Variants in PRR5L observed in about 807,000 individuals in gnomAD.
PRR5L encodes the protein proline-rich protein 5-like.
Under a neutral mutation model 36.4 loss-of-function variants are expected in PRR5L, and 21 were observed. That is an observed-to-expected ratio of 0.58 (90% confidence interval 0.41 to 0.83). The LOEUF is 0.83. PRR5L is among the 40% of genes least tolerant of loss of function. The probability of loss-of-function intolerance (pLI) is 0.00; values close to 1 mark genes in which losing one functional copy is unlikely to be tolerated. For synonymous variants in PRR5L, 188 were observed against 197.0 expected, an observed-to-expected ratio of 0.95 and a Z score of 0.38; for missense variants, 381 against 473.3, an observed-to-expected ratio of 0.80 and a Z score of 1.81.
chr11:36,403,530 G>A (rs1446782527), intron 3 of PRR5L, 152 bp downstream of exon 3: 3 of 607,528 alleles, frequency 4.9e-6, no homozygotes, highest in East Asian at 2.8e-5. Flanking sequence ...TTTCATGGCT[G>A]TTGCGTTCTG....
chr11:36,436,513 A>G (rs1858608705), intron 5 of PRR5L, among the ~76,000 whole-genome samples: 1 of 152,196 alleles, frequency 6.6e-6, no homozygotes, highest in Admixed American at 6.5e-5. Context: ...GGACAGCATC[A>G]GGAGGCAGGT....
In PRR5L at chr11:36,463,444, C is replaced by T. The variant is rs1859233790; in HGVS notation, c.*708C>T. The T allele has an allele frequency of 6.6e-6, 1 of 152,214 alleles. No homozygotes were observed. The highest frequency in any genetic ancestry group is 1.5e-5 in the Non-Finnish European group (1 of 68,030). 9.4% of individuals were successfully genotyped at this position (152,214 alleles called of 1,614,324 possible). A position where few individuals can be genotyped will look rare whatever the true frequency, so the allele number is the denominator to read the frequency against. On this transcript the variant is annotated 3_prime_UTR_variant, in exon 9 of 9. Coordinates refer to ENST00000530639, the MANE Select transcript of PRR5L (RefSeq NM_001160167.2). Reference sequence around the variant, plus strand: ...TGCCCTGTCTTTCATTGAGCCTTAGCATTTCCCTCTCAGGCTTCCTCTCAA... The same window carrying T: ...TGCCCTGTCTTTCATTGAGCCTTAGTATTTCCCTCTCAGGCTTCCTCTCAA...
At chr11:36,388,126 C>T (rs557912992) in intron 1 of PRR5L, 10 of 152,286 alleles carry the variant, frequency 6.6e-5, no homozygotes, top group African/African-American at 1.9e-4. Context: ...TGATGCATAG[C>T]GCAGAAAAAA....
At chr11:36,320,445 T>C (rs1243834895) in intron 1 of PRR5L, among the ~76,000 whole-genome samples, 1 of 152,122 alleles carries the variant, frequency 6.6e-6, no homozygotes, top group Non-Finnish European at 1.5e-5. Flanking sequence ...TTAAGGGCTC[T>C]TTGAGTGCCA....
At chr11:36,402,949 A>G (rs1857829184) in intron 2 of PRR5L, among the ~76,000 whole-genome samples, 1 of 152,232 alleles carries the variant, frequency 6.6e-6, no homozygotes, top group Non-Finnish European at 1.5e-5. Context: ...GGCATGGGTC[A>G]GCTTCTGCTT....
At chr11:36,430,753 C>T (rs1278989079) in intron 4 of PRR5L, among the ~76,000 whole-genome samples, 1 of 152,114 alleles carries the variant, frequency 6.6e-6, no homozygotes, top group African/African-American at 2.4e-5. Flanking sequence ...AGTATTATGC[C>T]ATTTTACATA....
At chr11:36,441,095 T>C (rs1858712780) in intron 6 of PRR5L, among the ~76,000 whole-genome samples, 1 of 152,196 alleles carries the variant, frequency 6.6e-6, no homozygotes, top group Non-Finnish European at 1.5e-5. Context: ...AGCCATATTT[T>C]CTGCCCCTGG....
At chr11:36,318,158 C>T (rs1856576836) in intron 1 of PRR5L, among the ~76,000 whole-genome samples, 1 of 152,138 alleles carries the variant, frequency 6.6e-6, no homozygotes, top group African/African-American at 2.4e-5. Context: ...GCAATATATA[C>T]CATATAGCCC....
At chr11:36,404,268 C>CTG (rs1564938188) in intron 3 of PRR5L, among the ~76,000 whole-genome samples, 2 of 98,008 alleles carry the variant, frequency 2.0e-5, no homozygotes. Context: ...TCCATCAGGT[C>CTG]TTTTTTTTTT....
chr11:36,426,481 T>C (rs761220094), intron 4 of PRR5L, among the ~76,000 whole-genome samples: 1 of 152,242 alleles, frequency 6.6e-6, no homozygotes, highest in Non-Finnish European at 1.5e-5. Context: ...ACAAAGTGCC[T>C]GATTACATAG....
intron 1 of PRR5L, chr11:36,376,805 C>A: frequency 3.5e-6 from 3 of 859,016 alleles, no homozygotes; most frequent in Non-Finnish European, 4.2e-6. Context: ...TCTGACGGGG[C>A]GCGGCGTGGC....
At chr11:36,351,342 A>ATATATAATAAATATATATATATTTAT (rs1321163181) in intron 1 of PRR5L, among the ~76,000 whole-genome samples, 2 of 42,704 alleles carry the variant, frequency 4.7e-5, no homozygotes, top group Non-Finnish European at 8.3e-5. Context: ...ATATATTTAT[A>ATATATAATAAATATATATATATTTAT]ATATATAATA....
At chr11:36,350,994 A>ATTTATTT in intron 1 of PRR5L, among the ~76,000 whole-genome samples, 1 of 84,734 alleles carries the variant, frequency 1.2e-5, no homozygotes, top group African/African-American at 6.1e-5. Context: ...ATATTTATAT[A>ATTTATTT]TTTATATATA....
At chr11:36,351,211 T>C (rs1194678373) in intron 1 of PRR5L, among the ~76,000 whole-genome samples, 1 of 86,632 alleles carries the variant, frequency 1.2e-5, no homozygotes, top group Non-Finnish European at 1.9e-5. Context: ...ATAATATAAA[T>C]ATATAAATAT....
intron 1 of PRR5L, among the ~76,000 whole-genome samples, chr11:36,315,339 G>A (rs989006964): frequency 1.4e-4 from 22 of 152,208 alleles, no homozygotes; most frequent in Non-Finnish European, 3.1e-4. Flanking sequence ...GGATAAGAAA[G>A]CATATTTGCC....
chr11:36,397,387 A>C (rs1857684924), intron 1 of PRR5L, among the ~76,000 whole-genome samples: 1 of 137,798 alleles, frequency 7.3e-6, no homozygotes. Flanking sequence ...GTGAGGGTTG[A>C]GTAAGTTTAT....
chr11:36,444,481 GT>G (rs1858786951), intron 6 of PRR5L, among the ~76,000 whole-genome samples: 1 of 152,142 alleles, frequency 6.6e-6, no homozygotes, highest in African/African-American at 2.4e-5. Context: ...GCCTTTAAAT[GT>G]TTTATAATAT....
intron 1 of PRR5L, among the ~76,000 whole-genome samples, chr11:36,358,058 A>G (rs955044194): frequency 1.2e-4 from 19 of 152,218 alleles, no homozygotes; most frequent in African/African-American, 4.6e-4. Flanking sequence ...GAAGAAGTTG[A>G]TTTCAACCCT....
chr11:36,298,227 A>G (rs1011461156), intron 1 of PRR5L, among the ~76,000 whole-genome samples: 1 of 152,196 alleles, frequency 6.6e-6, no homozygotes, highest in Admixed American at 6.5e-5. Flanking sequence ...TTTTGGTACC[A>G]GAGACCAGTT....
Sources: gnomAD v4.1 joint callset for allele counts (sites outside exome capture counted in the v4.1 genomes callset) on GRCh38, gnomAD v4.1.1 for gene constraint, MANE v1.5 for transcripts, NCBI Gene and HGNC (gene_info 2026-07-23, HGNC 2026-07-21) for gene names.